GALNTL6: variants seen among roughly 807,000 people sequenced by gnomAD.
GALNTL6 encodes polypeptide N-acetylgalactosaminyltransferase like 6, also known as polypeptide N-acetylgalactosaminyltransferase-like 6.
Under a neutral mutation model 73.7 loss-of-function variants are expected in GALNTL6, and 46 were observed. That is an observed-to-expected ratio of 0.62 (90% CI 0.49 to 0.80). The LOEUF (loss-of-function observed/expected upper bound fraction) is 0.80. Among genes scored for constraint, GALNTL6 ranks in the 30% least tolerant of loss-of-function variants. The pLI is 0.00. For missense variants in GALNTL6, 604 were observed against 755.0 expected (o/e 0.80, Z 2.34); for synonymous variants, 259 against 263.7 (o/e 0.98, Z 0.17).
chr4:172,790,937 G>C (rs1490866432), intron 5 of GALNTL6, among the ~76,000 whole-genome samples: 1 of 151,256 alleles, frequency 6.6e-6, no homozygotes, highest in African/African-American at 2.4e-5. Context: ...CTTCCACCCG[G>C]TCTTAGGAAT....
intron 2 of GALNTL6, among the ~76,000 whole-genome samples, chr4:171,998,755 C>G (rs566066999): frequency 5.6e-4 from 86 of 152,304 alleles, no homozygotes; most frequent in African/African-American, 1.8e-3. Flanking sequence ...AAACACATAA[C>G]CACCCAACAA....
chr4:172,779,875 A>C (rs1355585570), intron 5 of GALNTL6, among the ~76,000 whole-genome samples: 1 of 152,128 alleles, frequency 6.6e-6, no homozygotes, highest in Non-Finnish European at 1.5e-5. Flanking sequence ...CTTATCGTTG[A>C]GCTAACCAAG....
At chr4:172,664,297 A>T (rs138312815) in intron 5 of GALNTL6, among the ~76,000 whole-genome samples, 1 of 152,238 alleles carries the variant, frequency 6.6e-6, no homozygotes, top group East Asian at 1.9e-4. Context: ...GCACTTCAAC[A>T]TCTACTCATT....
chr4:172,208,337 T>C (rs1461147729), intron 2 of GALNTL6, among the ~76,000 whole-genome samples: 1 of 152,234 alleles, frequency 6.6e-6, no homozygotes, highest in Non-Finnish European at 1.5e-5. Flanking sequence ...GAATTAGAAT[T>C]ATTGGAATGC....
At chr4:171,844,466 C>T (rs1735318316) in intron 2 of GALNTL6, among the ~76,000 whole-genome samples, 1 of 151,666 alleles carries the variant, frequency 6.6e-6, no homozygotes, top group African/African-American at 2.4e-5. Flanking sequence ...GATTGTAAAA[C>T]TCTTGGTGAC....
At chr4:171,967,520 T>A (rs1739427799) in intron 2 of GALNTL6, among the ~76,000 whole-genome samples, 1 of 150,486 alleles carries the variant, frequency 6.6e-6, no homozygotes, top group Non-Finnish European at 1.5e-5. Flanking sequence ...TTGAAAATAG[T>A]CATAGTTCTT....
At chr4:171,961,925 G>C (rs1183958671) in intron 2 of GALNTL6, among the ~76,000 whole-genome samples, 1 of 152,170 alleles carries the variant, frequency 6.6e-6, no homozygotes, top group Non-Finnish European at 1.5e-5. Context: ...CACTCTTGTG[G>C]AATATATTGC....
At chr4:172,432,307 A>T (rs1245876261) in intron 5 of GALNTL6, among the ~76,000 whole-genome samples, 1 of 151,708 alleles carries the variant, frequency 6.6e-6, no homozygotes, top group Non-Finnish European at 1.5e-5. Context: ...ATTAAGAGTT[A>T]GAAGAGCTGG....
At chr4:172,381,366 A>G (rs181421134) in intron 5 of GALNTL6, among the ~76,000 whole-genome samples, 161 of 152,252 alleles carry the variant, frequency 1.1e-3, no homozygotes, top group Non-Finnish European at 2.2e-4. Context: ...TCACTATCCA[A>G]TCTTATAATA....
chr4:171,907,324 A>G (rs1027960867), intron 2 of GALNTL6, among the ~76,000 whole-genome samples: 2 of 152,184 alleles, frequency 1.3e-5, no homozygotes, highest in Non-Finnish European at 2.9e-5. Context: ...ACGTACGAAA[A>G]TCACAAGCAT....
intron 5 of GALNTL6, among the ~76,000 whole-genome samples, chr4:172,384,848 T>C (rs1483831311): frequency 6.6e-6 from 1 of 152,056 alleles, no homozygotes; most frequent in African/African-American, 2.4e-5. Flanking sequence ...CTGGGCTCAA[T>C]TGTTCCTTCT....
intron 2 of GALNTL6, among the ~76,000 whole-genome samples, chr4:172,035,432 C>A (rs918375391): frequency 6.6e-6 from 1 of 151,522 alleles, no homozygotes; most frequent in Non-Finnish European, 1.5e-5. Context: ...ATTACTAACA[C>A]CTAGAATAAA....
At chr4:172,329,657 T>C (rs575753194) in intron 4 of GALNTL6, among the ~76,000 whole-genome samples, 66 of 152,218 alleles carry the variant, frequency 4.3e-4, no homozygotes, top group Admixed American at 6.5e-4. Context: ...CACTTCTCTG[T>C]AGAGCTGCTG....
At chr4:172,465,381 G>A (rs1732773848) in intron 5 of GALNTL6, among the ~76,000 whole-genome samples, 1 of 152,016 alleles carries the variant, frequency 6.6e-6, no homozygotes, top group African/African-American at 2.4e-5. Flanking sequence ...GGAGGCTGAG[G>A]CAGGAGGATG....
chr4:171,853,422 A>C, intron 2 of GALNTL6, among the ~76,000 whole-genome samples: 2 of 143,668 alleles, frequency 1.4e-5, no homozygotes, highest in Non-Finnish European at 3.1e-5. Flanking sequence ...TTCCTCCTTT[A>C]CTGCCCTTTC....
chr4:172,947,698 TA>T, intron 9 of GALNTL6, among the ~76,000 whole-genome samples: 1 of 152,328 alleles, frequency 6.6e-6, no homozygotes, highest in East Asian at 1.9e-4. Context: ...CACAAGCTGT[TA>T]TTGGAATGTT....
In GALNTL6 at chr4:172,465,960, G is replaced by T. The variant is rs540742805; in HGVS notation, c.553+117271G>T. 4.6e-5 allele frequency among the ~76,000 whole-genome samples: 7 copies of T among 152,152 alleles called. No homozygotes were observed. The South Asian group carries it at 1.5e-3, about 32-fold the overall frequency. ...GATTGGTTTCCCATCCTAAAAGTCA[G>T]TTTTTTTAAAAAACTGTCCCAAATT... On this transcript the variant is annotated intron_variant, in intron 5 of 12. Coordinates refer to ENST00000506823, the MANE Select transcript of GALNTL6 (RefSeq NM_001034845.3).
chr4:171,966,744 A>G (rs1419909105), intron 2 of GALNTL6, among the ~76,000 whole-genome samples: 3 of 152,164 alleles, frequency 2.0e-5, no homozygotes, highest in Non-Finnish European at 2.9e-5. Context: ...CTGAACCCTG[A>G]TCCCAATTCT....
chr4:172,490,377 C>T (rs781268930), intron 5 of GALNTL6, among the ~76,000 whole-genome samples: 5 of 151,966 alleles, frequency 3.3e-5, no homozygotes, highest in Admixed American at 2.0e-4. Flanking sequence ...ATTCATACCC[C>T]AAAAATAGTT....
Sources: gnomAD v4.1 joint callset for allele counts (sites outside exome capture counted in the v4.1 genomes callset) on GRCh38, gnomAD v4.1.1 for gene constraint, MANE v1.5 for transcripts, NCBI Gene and HGNC (gene_info 2026-07-23, HGNC 2026-07-21) for gene names.